PRKN: variants seen among roughly 807,000 people sequenced by gnomAD.
The protein encoded by PRKN is E3 ubiquitin-protein ligase parkin.
Under a neutral mutation model 59.5 loss-of-function variants are expected in PRKN, and 56 were observed. That is an observed-to-expected ratio of 0.94 (90% CI 0.76 to 1.18). The LOEUF (loss-of-function observed/expected upper bound fraction) is 1.18, where lower values mean the gene tolerates loss of function less well. Ranked by LOEUF, PRKN falls within the 50% of genes most tolerant of loss-of-function variation. PRKN has a pLI of 0.00. For synonymous variants in PRKN, 250 were observed against 222.1 expected (o/e 1.13, Z -1.12); for missense variants, 657 against 596.4 (o/e 1.10, Z -1.06).
At chr6:161,986,705 A>T (rs563117920) in intron 5 of PRKN, among the ~76,000 whole-genome samples, 3 of 151,492 alleles carry the variant, frequency 2.0e-5, no homozygotes, top group African/African-American at 7.3e-5. Context: ...ATTCCTCCTA[A>T]CATTTACTGC....
At chr6:162,381,105 A>T (rs996890623) in intron 2 of PRKN, among the ~76,000 whole-genome samples, 1 of 152,120 alleles carries the variant, frequency 6.6e-6, no homozygotes, top group East Asian at 1.9e-4. Context: ...TGCATCTTTG[A>T]TTCCCCACCT....
chr6:161,725,582 C>T (rs982541151), intron 7 of PRKN, among the ~76,000 whole-genome samples: 9 of 152,248 alleles, frequency 5.9e-5, no homozygotes, highest in African/African-American at 1.4e-4. Flanking sequence ...CTTCTAGTCA[C>T]TGGCTAACCG....
At chr6:162,151,407 C>G (rs1203599141) in intron 4 of PRKN, among the ~76,000 whole-genome samples, 1 of 152,192 alleles carries the variant, frequency 6.6e-6, no homozygotes, top group African/African-American at 2.4e-5. Context: ...CAGTCTCTTT[C>G]TACATATTTG....
chr6:161,370,637 T>C (rs1208398204), intron 10 of PRKN, among the ~76,000 whole-genome samples: 1 of 146,560 alleles, frequency 6.8e-6, no homozygotes, highest in Non-Finnish European at 1.5e-5. Context: ...AGGAGACACA[T>C]TGATATACAT....
intron 6 of PRKN, among the ~76,000 whole-genome samples, chr6:161,908,373 C>A (rs1292295444): frequency 6.6e-6 from 1 of 152,090 alleles, no homozygotes; most frequent in Non-Finnish European, 1.5e-5. Context: ...TGTTCCTTCT[C>A]CTCTCCTGCC....
In PRKN at chr6:161,533,981, C is replaced by T. The variant is rs556588554; in HGVS notation, c.1083+14873G>A. On this transcript the variant is annotated intron_variant, in intron 9 of 11. Coordinates refer to ENST00000366898, the MANE Select transcript of PRKN (RefSeq NM_004562.3). This position sits in a 1 kb window ranked among gnomAD's most constrained non-coding sequence, Gnocchi z 4.1. ...AGTGGTCTCTGTGACTTCAGTGAAC[C>T]CCCTTTCCACCTGTCCTCCTCGCCC... 9.2e-5 allele frequency among the ~76,000 whole-genome samples: 14 copies of T among 152,156 alleles called. No individual in the cohort carries two copies. The highest frequency in any genetic ancestry group is 1.3e-4 in the Non-Finnish European group (9 of 67,996).
intron 9 of PRKN, among the ~76,000 whole-genome samples, chr6:161,404,255 G>C (rs1787170559): frequency 6.6e-6 from 1 of 152,098 alleles, no homozygotes; most frequent in Non-Finnish European, 1.5e-5. Context: ...TAAGTACTTG[G>C]CCCTGAGTAG....
At chr6:161,691,511 G>T (rs888526594) in intron 7 of PRKN, among the ~76,000 whole-genome samples, 5 of 152,212 alleles carry the variant, frequency 3.3e-5, no homozygotes, top group Admixed American at 1.3e-4. Context: ...AGGACTTTCT[G>T]CATCTCTGTT....
chr6:161,992,937 C>G (rs946297712), intron 5 of PRKN, among the ~76,000 whole-genome samples: 1 of 151,718 alleles, frequency 6.6e-6, no homozygotes, highest in Non-Finnish European at 1.5e-5. Flanking sequence ...ATATTAAAAC[C>G]CGTGAAATAC....
At chr6:162,491,179 C>T (rs563350459) in intron 1 of PRKN, among the ~76,000 whole-genome samples, 4 of 148,424 alleles carry the variant, frequency 2.7e-5, no homozygotes, top group Admixed American at 6.8e-5. Flanking sequence ...CTGAGGCACA[C>T]GATTCATTTG....
chr6:161,609,533 T>C (rs1308516459), intron 7 of PRKN, among the ~76,000 whole-genome samples: 2 of 152,208 alleles, frequency 1.3e-5, no homozygotes, highest in Admixed American at 6.5e-5. Context: ...ATGACAAATG[T>C]GAGGTTTCTT....
Position 162,218,625 on chromosome 6 carries a change from A to G in PRKN, c.413-17373T>C, listed in dbSNP as rs117144923. The stretch of plus-strand genomic sequence containing the variant: ...AAATATGGAAACCATTCATTAAAAG[A>G]TTCATGAGACTAAGGTATCAGTTCA... On this transcript the variant is annotated intron_variant, in intron 3 of 11. Coordinates refer to ENST00000366898, the MANE Select transcript of PRKN (RefSeq NM_004562.3). Among the ~76,000 whole-genome samples the G allele has an allele frequency of 7.2e-5, 11 of 152,308 alleles. No individual in the cohort carries two copies. The East Asian group carries it at 2.1e-3, about 29-fold the overall frequency.
intron 7 of PRKN, among the ~76,000 whole-genome samples, chr6:161,771,372 T>A (rs199547341): frequency 0.06 from 2,152 of 36,086 alleles, 151 homozygotes; most frequent in Middle Eastern, 0.09. Flanking sequence ...AAAAAAAAAA[T>A]AAAATAAAAT....
chr6:161,728,857 G>C (rs550536055), intron 7 of PRKN, among the ~76,000 whole-genome samples: 1 of 152,084 alleles, frequency 6.6e-6, no homozygotes, highest in Non-Finnish European at 1.5e-5. Flanking sequence ...AACATATTTT[G>C]TATTATAAAA....
intron 7 of PRKN, among the ~76,000 whole-genome samples, chr6:161,620,242 T>A (rs1041428027): frequency 8.6e-5 from 13 of 151,518 alleles, no homozygotes; most frequent in Non-Finnish European, 1.9e-4. Flanking sequence ...CCTCAGGTGA[T>A]CCGCCCGCCT....
At chr6:161,933,780 G>A (rs1481822887) in intron 6 of PRKN, among the ~76,000 whole-genome samples, 1 of 151,652 alleles carries the variant, frequency 6.6e-6, no homozygotes, top group East Asian at 1.9e-4. Context: ...GACATTTCAG[G>A]GAACCCCAGA....
intron 2 of PRKN, among the ~76,000 whole-genome samples, chr6:162,323,294 A>T: frequency 7.9e-6 from 1 of 126,570 alleles, no homozygotes; most frequent in South Asian, 2.7e-4. Context: ...AAATTTGAAA[A>T]ACCACTTATA....
rs952978223 is a variant in PRKN at position 161,388,617 on chromosome 6, T to TG, written c.1084-1741dup. Among the ~76,000 whole-genome samples the TG allele has an allele frequency of 2.0e-5, 3 of 152,212 alleles. No individual in the cohort carries two copies. Among genetic ancestry groups the TG allele is most frequent in the Non-Finnish European group, 4.4e-5 (3 of 68,040 alleles). On this transcript the variant is annotated intron_variant, in intron 9 of 11. Coordinates refer to ENST00000366898, the MANE Select transcript of PRKN (RefSeq NM_004562.3). This position sits in a 1 kb window ranked among gnomAD's most constrained non-coding sequence, Gnocchi z 4.3. ...TATGTCTCTTCTGCTGACAGCCAGA[T>TG]GTGTTGAGTACTTGACTCCTAGAAT... is the stretch of plus-strand genomic sequence containing the variant.
chr6:161,955,327 T>C (rs1790009), intron 6 of PRKN, among the ~76,000 whole-genome samples: 84,223 of 151,858 alleles, frequency 0.55, 23,465 homozygotes, highest in Middle Eastern at 0.64. Context: ...GGGAAAAAAC[T>C]ACCCCGGATG....
Sources: allele counts gnomAD v4.1 joint callset (sites outside exome capture counted in the v4.1 genomes callset), GRCh38; gene constraint gnomAD v4.1.1; non-coding constraint Gnocchi (gnomAD v3.1); transcripts MANE v1.5; gene names NCBI Gene and HGNC (gene_info 2026-07-23, HGNC 2026-07-21).